Variants in NLGN4X observed in about 807,000 individuals in gnomAD.
NLGN4X encodes neuroligin 4 X-linked.
Under a neutral mutation model 40.3 loss-of-function variants are expected in NLGN4X, and 3 were observed. That is an observed-to-expected ratio of 0.07 (90% CI 0.03 to 0.19). The LOEUF (loss-of-function observed/expected upper bound fraction) is 0.19. Ranked by LOEUF, NLGN4X falls within the 10% of genes least tolerant of loss-of-function variation. NLGN4X has a pLI of 1.00. For missense variants in NLGN4X, 382 were observed against 708.3 expected (o/e 0.54, Z 5.23); for synonymous variants, 270 against 306.8 (o/e 0.88, Z 1.25).
In NLGN4X at chrX:5,927,933, AT is replaced by A. The variant is rs1401533133; in HGVS notation, c.626-18695del. On this transcript the variant is annotated intron_variant, in intron 3 of 5. Coordinates refer to ENST00000381095, the MANE Select transcript of NLGN4X (RefSeq NM_181332.3). The stretch of plus-strand genomic sequence containing the variant: ...AAACACTTGAATTCATATTTTTACC[AT>A]GGCATCTCTTTGTAGAATCCCAGTA... Among the ~76,000 whole-genome samples the A allele has an allele frequency of 4.4e-5, 5 of 112,547 alleles. No individual in the cohort carries two copies. The East Asian group carries it at 1.4e-3, about 31-fold the overall frequency.
intron 3 of NLGN4X, among the ~76,000 whole-genome samples, chrX:6,013,991 G>T (rs932861945): frequency 5.4e-5 from 6 of 110,439 alleles, no homozygotes; most frequent in Non-Finnish European, 1.1e-4. Flanking sequence ...CACCATCCTG[G>T]CCAACATGGT....
chrX:6,124,763 T>C (rs1020244685), intron 2 of NLGN4X, among the ~76,000 whole-genome samples: 4 of 112,040 alleles, frequency 3.6e-5, no homozygotes, highest in East Asian at 5.6e-4. Context: ...TATGGAAACC[T>C]ATGCTCCTCA....
intron 3 of NLGN4X, among the ~76,000 whole-genome samples, chrX:5,927,428 C>G (rs758835927): frequency 1.8e-5 from 2 of 111,903 alleles, no homozygotes; most frequent in Non-Finnish European, 3.8e-5. Flanking sequence ...GAAGAGAAAT[C>G]ATTAAGTATT....
At position 6,033,955 on chromosome X, in the gene NLGN4X, G is replaced by A. The variant is rs768470348; in HGVS notation, c.473-4523C>T. Among the ~76,000 whole-genome samples the A allele has an allele frequency of 7.1e-5, 8 of 112,278 alleles. No homozygotes were observed. The South Asian group carries it at 1.1e-3, about 16-fold the overall frequency. On this transcript the variant is annotated intron_variant, in intron 2 of 5. Transcript: ENST00000381095. ...CTTCCTATAGGGTTCTAGGATAAGC[G>A]GATTAAGGCAAAGGGAAAATACTGT... is the stretch of plus-strand genomic sequence containing the variant.
intron 2 of NLGN4X, among the ~76,000 whole-genome samples, chrX:6,038,484 A>G (rs1368639138): frequency 8.8e-6 from 1 of 113,047 alleles, no homozygotes. Flanking sequence ...AATTTGAAAG[A>G]TGACCTTCAG....
At chrX:6,182,580 G>A (rs749845822) in intron 1 of NLGN4X, among the ~76,000 whole-genome samples, 19 of 111,662 alleles carry the variant, frequency 1.7e-4, no homozygotes, top group African/African-American at 1.3e-4. Flanking sequence ...GACCTTTCAC[G>A]GCAAAGGGAC....
At chrX:6,066,017 T>TA (rs1397427477) in intron 2 of NLGN4X, among the ~76,000 whole-genome samples, 1 of 112,079 alleles carries the variant, frequency 8.9e-6, no homozygotes. Flanking sequence ...ATACTCATTT[T>TA]AAAAGGCATT....
At chrX:6,113,403 C>T (rs143536451) in intron 2 of NLGN4X, among the ~76,000 whole-genome samples, 1,123 of 110,873 alleles carry the variant, frequency 0.01, 4 homozygotes, top group Middle Eastern at 0.019. Context: ...TTTTTCAAAA[C>T]AATAATTCAT....
intron 2 of NLGN4X, among the ~76,000 whole-genome samples, chrX:6,103,790 A>T: frequency 1.8e-5 from 2 of 112,183 alleles, no homozygotes. Context: ...AATGTTATCA[A>T]ATTTGATTTT....
intron 2 of NLGN4X, among the ~76,000 whole-genome samples, chrX:6,104,954 C>T (rs996921595): frequency 1.2e-4 from 13 of 111,533 alleles, no homozygotes; most frequent in Middle Eastern, 4.6e-3. Context: ...AACTATGCTG[C>T]GTAAACTGTT....
At chrX:5,935,916 T>G (rs912096911) in intron 3 of NLGN4X, among the ~76,000 whole-genome samples, 7 of 111,853 alleles carry the variant, frequency 6.3e-5, no homozygotes, top group African/African-American at 2.3e-4. Flanking sequence ...TCATGACAAT[T>G]TTGCAGAAAT....
In NLGN4X at chrX:6,069,287, CAA is replaced by C. The variant is rs35625635; in HGVS notation, c.473-39857_473-39856del. 2.8e-3 allele frequency among the ~76,000 whole-genome samples: 250 copies of C among 88,094 alleles called. 1 individual carries two copies. The highest frequency in any genetic ancestry group is 0.014 in the East Asian group (38 of 2,786). The allele number at this position is 88,094 out of a possible 115,157, so 76.5% of individuals were successfully genotyped here. A position where few individuals can be genotyped will look rare whatever the true frequency, so the allele number is the denominator to read the frequency against. On this transcript the variant is annotated intron_variant, in intron 2 of 5. Coordinates refer to ENST00000381095, the MANE Select transcript of NLGN4X (RefSeq NM_181332.3). ...AGGGTGACAGAGCAAGACTCCGTCT[CAA>C]AAAAAAAAAAAAATTAAATAAAAGT...
intron 2 of NLGN4X, among the ~76,000 whole-genome samples, chrX:6,093,553 T>C (rs866939330): frequency 1.8e-5 from 2 of 111,808 alleles, no homozygotes; most frequent in African/African-American, 6.5e-5. Context: ...TAAAATACGT[T>C]GAATTATATC....
intron 3 of NLGN4X, among the ~76,000 whole-genome samples, chrX:5,979,782 A>ATGTGTATATATACACACATACATATATG (rs2035323301): frequency 9.5e-6 from 1 of 105,283 alleles, no homozygotes; most frequent in Non-Finnish European, 1.9e-5. Context: ...ATACATATAT[A>ATGTGTATATATACACACATACATATATG]TGTGTATATA....
intron 1 of NLGN4X, among the ~76,000 whole-genome samples, chrX:6,207,897 T>C (rs1184907925): frequency 8.9e-6 from 1 of 111,982 alleles, no homozygotes; most frequent in Non-Finnish European, 1.9e-5. Context: ...TTCTTTGGGG[T>C]TGGCGACATT....
intron 1 of NLGN4X, among the ~76,000 whole-genome samples, chrX:6,216,467 C>T (rs1925097350): frequency 8.9e-6 from 1 of 112,234 alleles, no homozygotes; most frequent in African/African-American, 3.2e-5. Flanking sequence ...GCCAATGAGG[C>T]ATCCCCACCC....
intron 1 of NLGN4X, among the ~76,000 whole-genome samples, chrX:6,218,412 A>G (rs1332861924): frequency 9.0e-6 from 1 of 110,601 alleles, no homozygotes; most frequent in African/African-American, 3.3e-5. Flanking sequence ...AGAAAGATGT[A>G]TGAAGACTGA....
chrX:6,022,395 T>C (rs1050062137), intron 3 of NLGN4X, among the ~76,000 whole-genome samples: 1 of 111,464 alleles, frequency 9.0e-6, no homozygotes, highest in African/African-American at 3.3e-5. Flanking sequence ...ATAAAATCCT[T>C]CATAAAGCAT....
At chrX:5,985,956 G>C (rs929884053) in intron 3 of NLGN4X, among the ~76,000 whole-genome samples, 4 of 111,897 alleles carry the variant, frequency 3.6e-5, no homozygotes, top group Non-Finnish European at 3.8e-5. Context: ...ATTCTAGACT[G>C]TATCCACTAA....
Sources: allele counts gnomAD v4.1 joint callset (sites outside exome capture counted in the v4.1 genomes callset), GRCh38; gene constraint gnomAD v4.1.1; transcripts MANE v1.5; gene names NCBI Gene and HGNC (gene_info 2026-07-23, HGNC 2026-07-21).